HDAC9: variants seen among roughly 807,000 people sequenced by gnomAD.
HDAC9 encodes MEF-2 interacting transcription repressor (MITR) protein.
HDAC9 carries 41 observed loss-of-function variants against 139.4 expected under a neutral mutation model. The observed-to-expected ratio is 0.29, with a 90% CI of 0.23 to 0.38. The LOEUF is 0.38. Among genes scored for constraint, HDAC9 ranks in the 10% least tolerant of loss-of-function variants. The pLI, the probability that HDAC9 is intolerant of heterozygous loss-of-function variation, is 1.00. For missense variants in HDAC9, 1,147 were observed against 1,297.0 expected (o/e 0.88, Z 1.78); for synonymous variants, 517 against 476.2 (o/e 1.09, Z -1.12).
intron 2 of HDAC9, among the ~76,000 whole-genome samples, chr7:18,581,977 C>T (rs756661675): frequency 2.0e-5 from 3 of 152,186 alleles, no homozygotes; most frequent in Non-Finnish European, 4.4e-5. Flanking sequence ...ATGCAAACTT[C>T]TGGTCAATCC....
rs532936365 is a variant in HDAC9 at position 18,904,135 on chromosome 7, G to A, written c.2803+29539G>A. Among the ~76,000 whole-genome samples, 316 of 152,252 alleles carry A rather than the reference G, an allele frequency of 2.1e-3. 2 individuals carry two copies. The highest frequency in any genetic ancestry group is 2.5e-4 in the Non-Finnish European group (17 of 68,014). The stretch of plus-strand genomic sequence containing the variant: ...TTGGATTAAAAATATGTATTTTCCC[G>A]ATTTCTTTTAAGTAGATAAAGTTTA... On this transcript the variant is annotated intron_variant, in intron 22 of 25. Coordinates refer to ENST00000686413, the MANE Select transcript of HDAC9 (RefSeq NM_178425.4).
rs1306989501 is a variant in HDAC9, at chr7:19,000,786, T to G, written c.*4724T>G. ...ATCTAACAAATAATTTTCTTTCAAC[T>G]CTTCTCTTTTTCTGCCTAACAATCT... On this transcript the variant is annotated 3_prime_UTR_variant, in exon 26 of 26. Transcript: ENST00000686413. 1 of 152,176 alleles carries G rather than the reference T, an allele frequency of 6.6e-6. No individual in the cohort carries two copies. The highest frequency in any genetic ancestry group is 1.5e-5 in the Non-Finnish European group (1 of 68,014). 9.4% of individuals were successfully genotyped at this position (152,176 alleles called of 1,614,324 possible).
At chr7:18,290,149 C>G (rs1380475706), upstream of HDAC9, 11 of 188,618 alleles carry the variant, frequency 5.8e-5, no homozygotes, top group African/African-American at 2.6e-4. Flanking sequence ...TCCTCCTCCT[C>G]CTCATTCTGT....
chr7:18,647,862 T>TGG lies in HDAC9; in HGVS notation c.1114_1115dup (p.Gly373GlufsTer15). 1 of 1,612,640 alleles carries TGG rather than the reference T, an allele frequency of 6.2e-7. No homozygotes were observed. The highest frequency in any genetic ancestry group is 8.5e-7 in the Non-Finnish European group (1 of 1,179,346). On this transcript the variant is annotated frameshift_variant, in exon 10 of 26. Transcript: ENST00000686413. LOFTEE classifies it high-confidence loss of function. ...AAGGTGTTCCTCTGCCTGGGCAGTATGGAGGCAGCATCCCGGCATCTTCCA... is the reference window on the plus strand; with the variant it reads ...AAGGTGTTCCTCTGCCTGGGCAGTATGGGGAGGCAGCATCCCGGCATCTTCCA...
chr7:18,607,182 T>C (rs1835754945), intron 6 of HDAC9, among the ~76,000 whole-genome samples: 1 of 152,196 alleles, frequency 6.6e-6, no homozygotes, highest in South Asian at 2.1e-4. Context: ...ATATGCAATT[T>C]GTATGACAAG....
intron 1 of HDAC9, among the ~76,000 whole-genome samples, chr7:18,091,217 A>G (rs946876139): frequency 9.9e-5 from 15 of 152,206 alleles, no homozygotes; most frequent in African/African-American, 3.6e-4. Context: ...GTACTGAAAA[A>G]AAGTTCAGAT....
At chr7:18,293,234 T>C (rs1019975641) in intron 1 of HDAC9, among the ~76,000 whole-genome samples, 1 of 152,000 alleles carries the variant, frequency 6.6e-6, no homozygotes, top group African/African-American at 2.4e-5. Flanking sequence ...AAGAAAAGGA[T>C]AAAGGGAATT....
chr7:18,927,413 A>C (rs923704684), intron 22 of HDAC9, among the ~76,000 whole-genome samples: 2 of 152,108 alleles, frequency 1.3e-5, no homozygotes, highest in Non-Finnish European at 2.9e-5. Flanking sequence ...TTCTCTCTCT[A>C]CTTGAGCCTG....
intron 22 of HDAC9, among the ~76,000 whole-genome samples, chr7:18,903,985 G>C (rs1801970160): frequency 6.6e-6 from 1 of 152,242 alleles, no homozygotes; most frequent in Non-Finnish European, 1.5e-5. Flanking sequence ...AATAATGCTG[G>C]CTACGATTGG....
chr7:18,783,816 G>A (rs1037796641), intron 16 of HDAC9, among the ~76,000 whole-genome samples: 1 of 151,958 alleles, frequency 6.6e-6, no homozygotes, highest in African/African-American at 2.4e-5. Flanking sequence ...ATTTTTAAGT[G>A]AATTATTGTC....
intron 1 of HDAC9, among the ~76,000 whole-genome samples, chr7:18,090,570 C>G (rs80143419): frequency 0.013 from 2,014 of 152,310 alleles, 51 homozygotes; most frequent in African/African-American, 0.046. Flanking sequence ...TAAAGTTTAT[C>G]AGCACAGTTG....
In HDAC9 at chr7:18,920,621, G is replaced by T. The variant is rs546963831; in HGVS notation, c.2804-15188G>T. Among the ~76,000 whole-genome samples the T allele has an allele frequency of 2.6e-5, 4 of 152,224 alleles. No homozygotes were observed. The South Asian group carries it at 8.3e-4, about 31-fold the overall frequency. On this transcript the variant is annotated intron_variant, in intron 22 of 25. Transcript: ENST00000686413. Reference sequence around the variant, plus strand: ...TTTTTGTCCATTCAGTAAGATATTGGCTGTGGGTTTGTCATAGATAGCTCT... The same window carrying T: ...TTTTTGTCCATTCAGTAAGATATTGTCTGTGGGTTTGTCATAGATAGCTCT...
intron 1 of HDAC9, among the ~76,000 whole-genome samples, chr7:18,444,152 A>G (rs1000073557): frequency 6.6e-6 from 1 of 151,896 alleles, no homozygotes; most frequent in African/African-American, 2.4e-5. Flanking sequence ...TAGCCTGACA[A>G]ATATGGTGAA....
chr7:18,624,320 A>G (rs991953046), intron 6 of HDAC9, among the ~76,000 whole-genome samples: 31 of 152,082 alleles, frequency 2.0e-4, no homozygotes, highest in African/African-American at 7.2e-4. Flanking sequence ...CCTTTTATTG[A>G]GGATATTTTC....
At chr7:18,981,043 C>T (rs561584375) in intron 25 of HDAC9, among the ~76,000 whole-genome samples, 6 of 152,070 alleles carry the variant, frequency 3.9e-5, no homozygotes, top group African/African-American at 1.2e-4. Flanking sequence ...GTCAGATGGT[C>T]TCAATCTCCT....
chr7:18,988,251 G>T (rs553379822), intron 25 of HDAC9, among the ~76,000 whole-genome samples: 16 of 151,908 alleles, frequency 1.1e-4, no homozygotes, highest in African/African-American at 2.2e-4. Context: ...CCAGAGATTC[G>T]GGTATGTTGT....
At chr7:18,605,795 C>T (rs1250253174) in intron 6 of HDAC9, among the ~76,000 whole-genome samples, 1 of 152,166 alleles carries the variant, frequency 6.6e-6, no homozygotes, top group East Asian at 1.9e-4. Flanking sequence ...ATTCTCCTGC[C>T]TCAGCCTCCC....
chr7:18,582,309 A>G (rs573630024), intron 2 of HDAC9, among the ~76,000 whole-genome samples: 65 of 152,336 alleles, frequency 4.3e-4, no homozygotes, highest in Admixed American at 6.5e-4. Context: ...TCCGTCTAAA[A>G]TACAGCCATC....
At chr7:18,669,657 A>G (rs1795543984) in intron 12 of HDAC9, among the ~76,000 whole-genome samples, 1 of 151,886 alleles carries the variant, frequency 6.6e-6, no homozygotes, top group Non-Finnish European at 1.5e-5. Context: ...ACTTGGTACC[A>G]GAGATCCTAA....
Sources: gnomAD v4.1 joint callset for allele counts (sites outside exome capture counted in the v4.1 genomes callset) on GRCh38, gnomAD v4.1.1 for gene constraint, MANE v1.5 for transcripts, NCBI Gene and HGNC (gene_info 2026-07-23, HGNC 2026-07-21) for gene names.